KLF12: variants seen among roughly 807,000 people sequenced by gnomAD.
KLF12 encodes KLF transcription factor 12.
In KLF12, 9 loss-of-function variants were observed where a neutral mutation model predicts 37.8. The observed-to-expected ratio is 0.24, with a 90% CI of 0.14 to 0.42. The LOEUF is 0.42. Ranked by LOEUF, KLF12 falls within the 10% of genes least tolerant of loss-of-function variation. The pLI, the probability that KLF12 is intolerant of heterozygous loss-of-function variation, is 1.00. For missense variants in KLF12, 411 were observed against 516.0 expected, an observed-to-expected ratio of 0.80 and a Z score of 1.97; for synonymous variants, 208 against 202.1, an observed-to-expected ratio of 1.03 and a Z score of -0.25.
intron 1 of KLF12, among the ~76,000 whole-genome samples, chr13:73,998,581 T>A (rs1892183866): frequency 6.6e-6 from 1 of 152,202 alleles, no homozygotes; most frequent in Admixed American, 6.5e-5. Flanking sequence ...ATTTTAAAAA[T>A]CAACTAATAA....
At chr13:73,740,673 A>G (rs1231123407) in intron 6 of KLF12, among the ~76,000 whole-genome samples, 2 of 152,022 alleles carry the variant, frequency 1.3e-5, no homozygotes. Flanking sequence ...TTCTTGATTT[A>G]TTTTTTCAAA....
intron 1 of KLF12, among the ~76,000 whole-genome samples, chr13:74,009,869 A>G (rs535598327): frequency 1.3e-5 from 2 of 152,340 alleles, no homozygotes; most frequent in South Asian, 2.1e-4. Flanking sequence ...GCATTTCTCC[A>G]CAAGTAGTCT....
At chr13:73,835,341 T>C (rs547059930) in intron 4 of KLF12, among the ~76,000 whole-genome samples, 28 of 152,230 alleles carry the variant, frequency 1.8e-4, no homozygotes, top group African/African-American at 6.7e-4. Flanking sequence ...TGCCACTAGA[T>C]GGCAATAAAA....
intron 3 of KLF12, among the ~76,000 whole-genome samples, chr13:73,875,839 T>C (rs984693812): frequency 1.4e-4 from 22 of 152,200 alleles, no homozygotes; most frequent in African/African-American, 5.1e-4. Context: ...CTTCACCCAA[T>C]TGTTTTCTGT....
intron 4 of KLF12, among the ~76,000 whole-genome samples, chr13:73,817,052 C>T (rs1404468971): frequency 1.3e-5 from 2 of 152,182 alleles, no homozygotes; most frequent in African/African-American, 4.8e-5. Context: ...CAGTGGCTCA[C>T]ACCACTGTAA....
intron 2 of KLF12, among the ~76,000 whole-genome samples, chr13:73,949,979 A>G (rs775057231): frequency 6.6e-6 from 1 of 152,152 alleles, no homozygotes; most frequent in Non-Finnish European, 1.5e-5. Flanking sequence ...TCCAAATTAC[A>G]TTCTTCTGAA....
intron 7 of KLF12, among the ~76,000 whole-genome samples, chr13:73,708,933 G>C (rs1875154782): frequency 1.3e-5 from 2 of 152,190 alleles, no homozygotes; most frequent in Non-Finnish European, 2.9e-5. Flanking sequence ...AATTTAGACA[G>C]TGGATATAAA....
At chr13:74,258,041 G>A in the KLF12 span, 7 of 151,882 alleles carry the variant, frequency 4.6e-5, no homozygotes, top group Non-Finnish European at 5.9e-5. Flanking sequence ...AAAAAAAAAC[G>A]TGGCAGGAGG....
At chr13:74,256,166 A>G in the KLF12 span, among the ~76,000 whole-genome samples, 1 of 151,968 alleles carries the variant, frequency 6.6e-6, no homozygotes, top group Non-Finnish European at 1.5e-5. Context: ...AAAAAAAAAA[A>G]AAAAGAAGTC....
intron 1 of KLF12, among the ~76,000 whole-genome samples, chr13:74,060,486 G>GTGTGTGTGTGTGTGTGTGTGTGCGTC (rs1873516484): frequency 7.2e-5 from 6 of 82,848 alleles, no homozygotes; most frequent in African/African-American, 2.4e-4. Flanking sequence ...CCTAGGTTTT[G>GTGTGTGTGTGTGTGTGTGTGTGCGTC]TGTGTGTGTG....
chr13:73,991,863 C>T (rs1176737557), intron 2 of KLF12, among the ~76,000 whole-genome samples: 3 of 152,168 alleles, frequency 2.0e-5, no homozygotes, highest in Non-Finnish European at 4.4e-5. Flanking sequence ...GAAGAAAGAG[C>T]CTTGGAACTT....
chr13:74,216,997 A>G, the KLF12 span, among the ~76,000 whole-genome samples: 1 of 152,188 alleles, frequency 6.6e-6, no homozygotes, highest in Non-Finnish European at 1.5e-5. Flanking sequence ...CATATCCCCC[A>G]GGAGAAAACA....
chr13:74,154,776 C>T, the KLF12 span, among the ~76,000 whole-genome samples: 16 of 152,202 alleles, frequency 1.1e-4, no homozygotes, highest in East Asian at 7.7e-4. Flanking sequence ...TTGGCTCTTC[C>T]GTCATCATGG....
chr13:74,192,083 G>A, the KLF12 span, among the ~76,000 whole-genome samples: 1 of 151,902 alleles, frequency 6.6e-6, no homozygotes, highest in Non-Finnish European at 1.5e-5. Context: ...ACAAAAGGCA[G>A]CAAACTGATG....
At chr13:74,233,215 T>C in the KLF12 span, among the ~76,000 whole-genome samples, 2 of 152,294 alleles carry the variant, frequency 1.3e-5, no homozygotes, top group South Asian at 2.1e-4. Flanking sequence ...ACTGTATACC[T>C]ATAACTTTTT....
intron 3 of KLF12, among the ~76,000 whole-genome samples, chr13:73,926,901 A>G (rs2139256168): frequency 6.6e-6 from 1 of 151,510 alleles, no homozygotes; most frequent in East Asian, 2.0e-4. Context: ...ACAACTGAGA[A>G]CATGACAGAA....
chr13:73,960,217 CTT>C (rs894419894), intron 2 of KLF12, among the ~76,000 whole-genome samples: 3 of 152,108 alleles, frequency 2.0e-5, no homozygotes, highest in South Asian at 2.1e-4. Flanking sequence ...ATATGTAGCT[CTT>C]TGTCTTGATA....
chr13:73,748,197 T>C (rs1023048837), intron 6 of KLF12, among the ~76,000 whole-genome samples: 1 of 152,190 alleles, frequency 6.6e-6, no homozygotes, highest in Admixed American at 6.5e-5. Context: ...CCATATCAGA[T>C]TCCTTTGTCA....
chr13:73,729,727 A>T (rs988814662), intron 6 of KLF12, among the ~76,000 whole-genome samples: 1 of 152,240 alleles, frequency 6.6e-6, no homozygotes, highest in African/African-American at 2.4e-5. Context: ...TGAGAGTAGT[A>T]GATTAGTAGC....
Sources: gnomAD v4.1 joint callset for allele counts (sites outside exome capture counted in the v4.1 genomes callset) on GRCh38, gnomAD v4.1.1 for gene constraint, MANE v1.5 for transcripts, NCBI Gene and HGNC (gene_info 2026-07-23, HGNC 2026-07-21) for gene names.